MDGA2: variants seen among roughly 807,000 people sequenced by gnomAD.
MDGA2 encodes the protein MAM domain containing glycosylphosphatidylinositol anchor 2.
Under a neutral mutation model 117.8 loss-of-function variants are expected in MDGA2, and 40 were observed. The observed-to-expected ratio is 0.34, with a 90% confidence interval of 0.26 to 0.44. The LOEUF is 0.44. MDGA2 is among the 20% of genes least tolerant of loss of function. The pLI is 1.00. For missense variants in MDGA2, 1,123 were observed against 1,250.6 expected (o/e 0.90, Z 1.54); for synonymous variants, 452 against 439.0 (o/e 1.03, Z -0.37).
chr14:47,245,874 G>A (rs1466979473), intron 2 of MDGA2, among the ~76,000 whole-genome samples: 2 of 151,692 alleles, frequency 1.3e-5, no homozygotes, highest in Non-Finnish European at 2.9e-5. Flanking sequence ...CTCCATTCAA[G>A]CATTTTTAGG....
At chr14:47,141,692 A>G (rs1882724800) in intron 4 of MDGA2, among the ~76,000 whole-genome samples, 1 of 151,266 alleles carries the variant, frequency 6.6e-6, no homozygotes, top group African/African-American at 2.4e-5. Flanking sequence ...ATTAGGGAGC[A>G]CAATAATCAT....
intron 11 of MDGA2, 30 bp from the exon 12 acceptor site, chr14:46,877,539 CA>C (rs1236533624): frequency 2.0e-5 from 29 of 1,485,642 alleles, no homozygotes; most frequent in Middle Eastern, 3.5e-4. Context: ...AACAAACAAA[CA>C]AAAAAACAAT....
intron 16 of MDGA2, among the ~76,000 whole-genome samples, chr14:46,844,953 C>T (rs563464696): frequency 5.3e-5 from 8 of 152,270 alleles, no homozygotes; most frequent in South Asian, 2.1e-4. Flanking sequence ...GTGATCTTGG[C>T]TCACTGCAAG....
chr14:47,236,988 G>A (rs1886885628), intron 2 of MDGA2, among the ~76,000 whole-genome samples: 1 of 152,024 alleles, frequency 6.6e-6, no homozygotes, highest in Non-Finnish European at 1.5e-5. Flanking sequence ...TAACTTACTA[G>A]TGCAAATACC....
At chr14:47,020,341 T>G (rs1888242721) in intron 8 of MDGA2, among the ~76,000 whole-genome samples, 2 of 152,196 alleles carry the variant, frequency 1.3e-5, no homozygotes, top group South Asian at 4.1e-4. Context: ...ATGTCAAAAC[T>G]CTATAATTAT....
intron 1 of MDGA2, among the ~76,000 whole-genome samples, chr14:47,544,599 T>C (rs138115347): frequency 6.6e-6 from 1 of 152,178 alleles, no homozygotes; most frequent in African/African-American, 2.4e-5. Context: ...GTTGGTTTAT[T>C]TTTTGTACAG....
At chr14:46,945,933 G>A (rs1225002314) in intron 9 of MDGA2, among the ~76,000 whole-genome samples, 1 of 151,944 alleles carries the variant, frequency 6.6e-6, no homozygotes, top group Admixed American at 6.6e-5. Context: ...AGATTTTAAG[G>A]AAGACATGAG....
At chr14:47,640,743 A>T (rs1897407702) in intron 1 of MDGA2, among the ~76,000 whole-genome samples, 1 of 152,122 alleles carries the variant, frequency 6.6e-6, no homozygotes, top group South Asian at 2.1e-4. Flanking sequence ...TGCACAAAAT[A>T]TCCTCACGTC....
At chr14:47,425,663 G>T (rs772756156) in intron 1 of MDGA2, among the ~76,000 whole-genome samples, 3 of 152,104 alleles carry the variant, frequency 2.0e-5, no homozygotes, top group Non-Finnish European at 2.9e-5. Flanking sequence ...GAGAGTTTCA[G>T]AAAGTAATGT....
intron 5 of MDGA2, among the ~76,000 whole-genome samples, chr14:47,106,158 T>G (rs1880662010): frequency 6.6e-6 from 1 of 152,146 alleles, no homozygotes; most frequent in African/African-American, 2.4e-5. Context: ...CTGAGACACT[T>G]TACAGCCCTA....
rs769699548 is a variant in MDGA2, at chr14:47,018,565, G to A, written c.1819+16446C>T. On this transcript the variant is annotated intron_variant, in intron 8 of 16. Coordinates refer to ENST00000399232, the MANE Select transcript of MDGA2 (RefSeq NM_001113498.3). ...ATGTCTAATAAATGAAGTAATGTGA[G>A]GGGAAAATTATAATTGCTAAAGGAT... Among the ~76,000 whole-genome samples the A allele has an allele frequency of 4.7e-4, 71 of 151,770 alleles. 1 individual carries two copies. The highest frequency in any genetic ancestry group is 6.8e-3 in the Middle Eastern group (2 of 294).
chr14:47,357,173 G>A (rs1891013749), intron 1 of MDGA2, among the ~76,000 whole-genome samples: 4 of 152,150 alleles, frequency 2.6e-5, no homozygotes, highest in Non-Finnish European at 2.9e-5. Context: ...CTAGGACAGT[G>A]CACTGAGAGC....
chr14:46,983,304 C>A (rs1189998521), intron 8 of MDGA2, among the ~76,000 whole-genome samples: 1 of 152,002 alleles, frequency 6.6e-6, no homozygotes, highest in Non-Finnish European at 1.5e-5. Flanking sequence ...CTAATATTCT[C>A]ATTAATATTT....
chr14:47,035,051 G>A lies in MDGA2; in HGVS notation c.1779C>T (p.Asn593=), dbSNP rs906373445. 25 of 1,614,016 alleles carry A rather than the reference G, an allele frequency of 1.5e-5. No individual in the cohort carries two copies. In the Middle Eastern group the frequency reaches 6.6e-4, roughly 43 times the overall value. The change falls in exon 8 of 17, where the codon AAC becomes AAT. Residue 593 remains asparagine, a synonymous_variant. Coordinates refer to ENST00000399232, the MANE Select transcript of MDGA2 (RefSeq NM_001113498.3). The part of the protein sequence containing the change: ...RCQTSQYNGF[N]VKPREALVQL... ...GCACCAAGGCTTCCCTTGGTTTCACGTTAAATCCATTGTATTGGCTGGTCT... is the reference window on the plus strand; with the variant it reads ...GCACCAAGGCTTCCCTTGGTTTCACATTAAATCCATTGTATTGGCTGGTCT...
intron 10 of MDGA2, among the ~76,000 whole-genome samples, chr14:46,895,713 C>T (rs1473102030): frequency 6.6e-6 from 1 of 150,612 alleles, no homozygotes; most frequent in African/African-American, 2.4e-5. Context: ...GGCGACAGAG[C>T]AAGACCCTGT....
At chr14:47,305,939 G>T (rs1350939447) in intron 1 of MDGA2, 1 of 152,168 alleles carries the variant, frequency 6.6e-6, no homozygotes, top group Non-Finnish European at 1.5e-5. Flanking sequence ...AGCAAAAGAG[G>T]AAGGAGATTT....
intron 1 of MDGA2, among the ~76,000 whole-genome samples, chr14:47,561,175 G>GT (rs150826944): frequency 0.12 from 8,252 of 66,434 alleles, 884 homozygotes; most frequent in South Asian, 0.32. Flanking sequence ...TTTTTTGTTT[G>GT]TTTGTTTTTT....
chr14:47,270,929 T>C (rs752581729), intron 2 of MDGA2, among the ~76,000 whole-genome samples: 5 of 152,110 alleles, frequency 3.3e-5, no homozygotes, highest in Non-Finnish European at 7.3e-5. Context: ...GCAGGGAAAA[T>C]CTATACTTAG....
intron 1 of MDGA2, among the ~76,000 whole-genome samples, chr14:47,624,420 C>T (rs997663234): frequency 2.0e-5 from 3 of 151,960 alleles, no homozygotes; most frequent in African/African-American, 7.2e-5. Flanking sequence ...ATCACAGCAC[C>T]GCACTCCAGC....
Sources: gnomAD v4.1 joint callset for allele counts (sites outside exome capture counted in the v4.1 genomes callset) on GRCh38, gnomAD v4.1.1 for gene constraint, MANE v1.5 for transcripts, NCBI Gene and HGNC (gene_info 2026-07-23, HGNC 2026-07-21) for gene names.